Variants in PLEKHG1 observed in about 807,000 individuals in gnomAD.
PLEKHG1 encodes pleckstrin homology domain-containing family G member 1.
PLEKHG1 carries 44 observed loss-of-function variants against 100.8 expected under a neutral mutation model. The ratio of observed to expected loss-of-function variants is 0.44; its 90% CI spans 0.34 to 0.56. The LOEUF (loss-of-function observed/expected upper bound fraction) is 0.56, where lower values mean the gene tolerates loss of function less well. Ranked by LOEUF, PLEKHG1 falls within the 20% of genes least tolerant of loss-of-function variation. PLEKHG1 has a pLI of 0.01. For synonymous variants in PLEKHG1, 640 were observed against 662.5 expected (o/e 0.97, Z 0.52); for missense variants, 1,545 against 1,720.9 (o/e 0.90, Z 1.81).
At chr6:150,695,045 T>C (rs866997191) in intron 3 of PLEKHG1, among the ~76,000 whole-genome samples, 11 of 152,366 alleles carry the variant, frequency 7.2e-5, no homozygotes, top group African/African-American at 2.4e-4. Context: ...GGAAGACACA[T>C]GGCATCTGTC....
At chr6:150,789,283 GATTTATATATATT>G (rs1562520217) in intron 4 of PLEKHG1, among the ~76,000 whole-genome samples, 1 of 152,088 alleles carries the variant, frequency 6.6e-6, no homozygotes, top group Non-Finnish European at 1.5e-5. Flanking sequence ...CTTTTCTTAT[GATTTATATATATT>G]TGTATAACAC....
chr6:150,811,602 G>A (rs76915076), intron 10 of PLEKHG1, among the ~76,000 whole-genome samples: 1,576 of 147,370 alleles, frequency 0.011, 20 homozygotes, highest in East Asian at 0.023. Flanking sequence ...TGGGAAAAAA[G>A]GAATTAAGGA....
chr6:150,612,890 A>C, intron 1 of PLEKHG1, among the ~76,000 whole-genome samples: 1 of 152,206 alleles, frequency 6.6e-6, no homozygotes, highest in Middle Eastern at 3.4e-3. Context: ...TAGGCTCCTA[A>C]CTGGTCTCCT....
chr6:150,816,409 C>T (rs1775962955), intron 10 of PLEKHG1, among the ~76,000 whole-genome samples: 1 of 130,914 alleles, frequency 7.6e-6, no homozygotes, highest in Non-Finnish European at 1.6e-5. Context: ...GTGCTGCAAC[C>T]TCTGCCTTCC....
chr6:150,673,229 A>T (rs1779635272), intron 3 of PLEKHG1, among the ~76,000 whole-genome samples: 1 of 152,222 alleles, frequency 6.6e-6, no homozygotes, highest in South Asian at 2.1e-4. Flanking sequence ...CAAGTTCCAA[A>T]AAAAACTTTT....
intron 2 of PLEKHG1, among the ~76,000 whole-genome samples, chr6:150,764,781 T>G (rs1461282305): frequency 2.6e-5 from 4 of 152,172 alleles, no homozygotes; most frequent in Non-Finnish European, 5.9e-5. Flanking sequence ...TCACCTTCCC[T>G]GTGAAGCCTC....
intron 2 of PLEKHG1, among the ~76,000 whole-genome samples, chr6:150,649,647 C>A (rs1253646415): frequency 1.3e-5 from 2 of 152,112 alleles, no homozygotes; most frequent in Admixed American, 6.5e-5. Context: ...GAGGCCGAGG[C>A]GGGCAGATCA....
chr6:150,696,606 CA>C (rs1562442784), intron 3 of PLEKHG1, among the ~76,000 whole-genome samples: 1 of 152,138 alleles, frequency 6.6e-6, no homozygotes, highest in African/African-American at 2.4e-5. Flanking sequence ...CAGCTCCATG[CA>C]AACTGCACAA....
chr6:150,750,303 A>G (rs1354636207), intron 2 of PLEKHG1, among the ~76,000 whole-genome samples: 1 of 152,120 alleles, frequency 6.6e-6, no homozygotes, highest in Admixed American at 6.5e-5. Context: ...GAATCTTTCT[A>G]AAGCCGAGGT....
intron 3 of PLEKHG1, among the ~76,000 whole-genome samples, chr6:150,667,563 T>C (rs1779445123): frequency 6.6e-6 from 1 of 152,172 alleles, no homozygotes; most frequent in Non-Finnish European, 1.5e-5. Context: ...CCTCCTGTGG[T>C]TTATTACTTT....
At chr6:150,711,116 C>A (rs1052317182) in intron 3 of PLEKHG1, among the ~76,000 whole-genome samples, 1 of 152,108 alleles carries the variant, frequency 6.6e-6, no homozygotes, top group Non-Finnish European at 1.5e-5. Context: ...GTCTTTTTAA[C>A]GTTTTTTAAT....
intron 3 of PLEKHG1, among the ~76,000 whole-genome samples, chr6:150,695,975 CT>C (rs1421013414): frequency 2.4e-4 from 37 of 152,118 alleles, no homozygotes; most frequent in Admixed American, 2.4e-3. Context: ...GAATCTTTAC[CT>C]TAAAAATGTT....
chr6:150,777,133 A>G (rs545042775), intron 3 of PLEKHG1, among the ~76,000 whole-genome samples: 4 of 149,774 alleles, frequency 2.7e-5, no homozygotes, highest in African/African-American at 9.8e-5. Flanking sequence ...ATCCTGGTGC[A>G]CATGTGCAGT....
chr6:150,796,007 T>C (rs1786309246), intron 5 of PLEKHG1, 105 bp downstream of exon 6: 1 of 732,966 alleles, frequency 1.4e-6, no homozygotes, highest in Non-Finnish European at 2.4e-6. Context: ...CCTGGCCTTG[T>C]GCTGAATACT....
At chr6:150,649,787 G>A (rs896425608) in intron 2 of PLEKHG1, among the ~76,000 whole-genome samples, 75 of 151,606 alleles carry the variant, frequency 4.9e-4, no homozygotes, top group African/African-American at 1.7e-3. Flanking sequence ...CGAGGCGGGC[G>A]GATCACAAGG....
chr6:150,764,300 G>A (rs1214486573), intron 2 of PLEKHG1, among the ~76,000 whole-genome samples: 1 of 151,890 alleles, frequency 6.6e-6, no homozygotes, highest in African/African-American at 2.4e-5. Flanking sequence ...TGTATTTTTA[G>A]TAGAGATGGG....
intron 13 of PLEKHG1, among the ~76,000 whole-genome samples, chr6:150,822,197 A>G (rs1464743662): frequency 6.6e-6 from 1 of 151,902 alleles, no homozygotes; most frequent in Non-Finnish European, 1.5e-5. Context: ...CAGTTTCACA[A>G]AAACACACAA....
intron 3 of PLEKHG1, among the ~76,000 whole-genome samples, chr6:150,783,462 C>T (rs544840808): frequency 6.6e-6 from 1 of 151,980 alleles, no homozygotes; most frequent in South Asian, 2.1e-4. Context: ...CTCTGCCTCC[C>T]AGGCTCAAGT....
chr6:150,678,434 G>C (rs888765240), intron 3 of PLEKHG1, among the ~76,000 whole-genome samples: 1 of 152,062 alleles, frequency 6.6e-6, no homozygotes, highest in Non-Finnish European at 1.5e-5. Context: ...TATATAAGCA[G>C]GAATTGTTTC....
Sources: allele counts gnomAD v4.1 joint callset (sites outside exome capture counted in the v4.1 genomes callset), GRCh38; gene constraint gnomAD v4.1.1; transcripts MANE v1.5; gene names NCBI Gene and HGNC (gene_info 2026-07-23, HGNC 2026-07-21).